AFF2: variants seen among roughly 807,000 people sequenced by gnomAD.
AFF2 encodes the protein AF4/FMR2 family member 2.
Under a neutral mutation model 76.9 loss-of-function variants are expected in AFF2, and 14 were observed. That is an observed-to-expected ratio of 0.18 (90% CI 0.12 to 0.28). The LOEUF is 0.28. Ranked by LOEUF, AFF2 falls within the 10% of genes least tolerant of loss-of-function variation. The pLI is 1.00. For synonymous variants in AFF2, 398 were observed against 366.7 expected, an observed-to-expected ratio of 1.09 and a Z score of -0.98; for missense variants, 868 against 1,001.1, an observed-to-expected ratio of 0.87 and a Z score of 1.79.
intron 19 of AFF2, among the ~76,000 whole-genome samples, chrX:148,986,982 G>A (rs1284153315): frequency 1.8e-5 from 2 of 111,376 alleles, no homozygotes; most frequent in East Asian, 2.8e-4. Context: ...GGTGGTCAAA[G>A]GCAGTGGAGA....
intron 15 of AFF2, among the ~76,000 whole-genome samples, chrX:148,971,747 C>CTTTTTTTTTTTTTTTTTTTTTATTTT (rs2072257860): frequency 4.5e-5 from 2 of 44,731 alleles, no homozygotes; most frequent in African/African-American, 1.9e-4. Flanking sequence ...TTTTCTATTT[C>CTTTTTTTTTTTTTTTTTTTTTATTTT]TTTTTTTTTT....
intron 3 of AFF2, among the ~76,000 whole-genome samples, chrX:148,709,244 TTTGGATTGACTGCC>T (rs2054928274): frequency 9.0e-6 from 1 of 111,611 alleles, no homozygotes; most frequent in East Asian, 2.8e-4. Context: ...CTAATCAAAT[TTTGGATTGACTGCC>T]TTGCCAAATG....
intron 9 of AFF2, among the ~76,000 whole-genome samples, chrX:148,922,701 A>C (rs1356544367): frequency 8.9e-6 from 1 of 111,811 alleles, no homozygotes; most frequent in African/African-American, 3.3e-5. Flanking sequence ...TAGATACATC[A>C]GTGCTATTTA....
intron 7 of AFF2, among the ~76,000 whole-genome samples, chrX:148,859,007 A>G (rs1480444991): frequency 1.9e-5 from 2 of 107,368 alleles, no homozygotes; most frequent in African/African-American, 6.8e-5. Flanking sequence ...AAAAACTACA[A>G]TACGCTTTAA....
chrX:148,867,923 A>G (rs1191845826), intron 7 of AFF2, among the ~76,000 whole-genome samples: 1 of 111,772 alleles, frequency 8.9e-6, no homozygotes, highest in East Asian at 2.8e-4. Flanking sequence ...TCCAAAGACA[A>G]AGGGATTTCC....
chrX:148,834,818 G>A (rs2070500882), intron 4 of AFF2, among the ~76,000 whole-genome samples: 1 of 111,876 alleles, frequency 8.9e-6, no homozygotes, highest in Non-Finnish European at 1.9e-5. Context: ...CACTTTACAA[G>A]TCTAATTCAT....
At chrX:148,581,082 T>C (rs116586976) in intron 1 of AFF2, among the ~76,000 whole-genome samples, 369 of 33,020 alleles carry the variant, frequency 0.011, 3 homozygotes, top group East Asian at 0.023. Context: ...CACACATATA[T>C]ACATATGTGT....
chrX:148,565,524 GC>G (rs2053159709), intron 1 of AFF2, among the ~76,000 whole-genome samples: 1 of 111,272 alleles, frequency 9.0e-6, no homozygotes, highest in Non-Finnish European at 1.9e-5. Flanking sequence ...GTTATCTTTA[GC>G]TTTTCCCATT....
At chrX:148,610,686 A>C (rs2053720293) in intron 1 of AFF2, among the ~76,000 whole-genome samples, 1 of 110,845 alleles carries the variant, frequency 9.0e-6, no homozygotes, top group Non-Finnish European at 1.9e-5. Flanking sequence ...TCCAGTGGGT[A>C]ATGTGCCTGG....
intron 4 of AFF2, among the ~76,000 whole-genome samples, chrX:148,837,199 A>G (rs1173724783): frequency 8.9e-6 from 1 of 111,967 alleles, no homozygotes; most frequent in Non-Finnish European, 1.9e-5. Flanking sequence ...GAGCATTAGA[A>G]GAAAAGTTGA....
chrX:148,614,790 C>CT (rs1569552185), intron 1 of AFF2, among the ~76,000 whole-genome samples: 2 of 67,866 alleles, frequency 2.9e-5, no homozygotes, highest in South Asian at 6.4e-4. Context: ...TTCTTTCTTT[C>CT]TTCCTTTCTC....
chrX:148,930,628 A>G (rs1337132334), intron 9 of AFF2, among the ~76,000 whole-genome samples: 1 of 112,536 alleles, frequency 8.9e-6, no homozygotes. Context: ...GGCATTCTAA[A>G]TGTCAAATTT....
At chrX:148,771,773 C>A (rs1267679007) in intron 3 of AFF2, among the ~76,000 whole-genome samples, 1 of 111,919 alleles carries the variant, frequency 8.9e-6, no homozygotes, top group African/African-American at 3.2e-5. Context: ...AGAAAGTGAA[C>A]CTAAATGATT....
chrX:148,676,551 T>C (rs1322697222), intron 3 of AFF2, among the ~76,000 whole-genome samples: 1 of 112,034 alleles, frequency 8.9e-6, no homozygotes, highest in African/African-American at 3.2e-5. Flanking sequence ...TCCAGAGATA[T>C]AGACACAAAA....
intron 1 of AFF2, among the ~76,000 whole-genome samples, chrX:148,598,664 A>G (rs1039092671): frequency 2.7e-5 from 3 of 111,849 alleles, no homozygotes; most frequent in Non-Finnish European, 5.6e-5. Context: ...ACAGATAAAA[A>G]CCTACTACCC....
intron 1 of AFF2, among the ~76,000 whole-genome samples, chrX:148,626,639 C>G (rs1337847027): frequency 1.8e-5 from 2 of 110,740 alleles, no homozygotes; most frequent in African/African-American, 3.3e-5. Flanking sequence ...AAGAATTCTT[C>G]CTTGCTTCTT....
At chrX:148,800,710 C>T (rs1195041326) in intron 3 of AFF2, among the ~76,000 whole-genome samples, 1 of 110,444 alleles carries the variant, frequency 9.1e-6, no homozygotes, top group Non-Finnish European at 1.9e-5. Context: ...TGAACTCCCA[C>T]TTTTTTTTTC....
At chrX:148,594,787 C>A (rs2053557225) in intron 1 of AFF2, among the ~76,000 whole-genome samples, 1 of 111,907 alleles carries the variant, frequency 8.9e-6, no homozygotes, top group Admixed American at 9.5e-5. Context: ...GAAGTTAGAT[C>A]CCCAATTCCT....
At chrX:148,630,242 G>A (rs1364604621) in intron 1 of AFF2, among the ~76,000 whole-genome samples, 3 of 111,429 alleles carry the variant, frequency 2.7e-5, no homozygotes, top group Admixed American at 9.5e-5. Context: ...GGGCCTGAAG[G>A]TAGCCATTTC....
Sources: allele counts gnomAD v4.1 joint callset (sites outside exome capture counted in the v4.1 genomes callset), GRCh38; gene constraint gnomAD v4.1.1; transcripts MANE v1.5; gene names NCBI Gene and HGNC (gene_info 2026-07-23, HGNC 2026-07-21).